Variants in PHACTR2 observed in about 807,000 individuals in gnomAD.
PHACTR2 encodes the protein chromosome 6 open reading frame 56.
In PHACTR2, 30 loss-of-function variants were observed where a neutral mutation model predicts 76.0. The observed-to-expected ratio is 0.39, with a 90% CI of 0.30 to 0.54. The LOEUF is 0.54. Among genes scored for constraint, PHACTR2 ranks in the 20% least tolerant of loss-of-function variants. The pLI is 0.61. For missense variants in PHACTR2, 696 were observed against 781.1 expected, an observed-to-expected ratio of 0.89 and a Z score of 1.30; for synonymous variants, 292 against 292.5, an observed-to-expected ratio of 1.00 and a Z score of 0.02.
Position 143,823,128 on chromosome 6 carries a change from C to A in PHACTR2, c.1923-546C>A, listed in dbSNP as rs979813380. Among the ~76,000 whole-genome samples, 1 of 152,188 alleles carries A rather than the reference C, an allele frequency of 6.6e-6. No individual in the cohort carries two copies. The highest frequency in any genetic ancestry group is 1.9e-4 in the East Asian group (1 of 5,196). ...TGCAAAGGCAGGTTAACAAGGAAAGCTTTGTATAGTTGTGGACATGCTTAG... is the reference window on the plus strand; with the variant it reads ...TGCAAAGGCAGGTTAACAAGGAAAGATTTGTATAGTTGTGGACATGCTTAG... On this transcript the variant is annotated intron_variant, in intron 12 of 12. Transcript: ENST00000440869. This position sits in a 1 kb window ranked among gnomAD's most constrained non-coding sequence, Gnocchi z 5.7.
In PHACTR2 at chr6:143,820,854, GGACA is replaced by G. The variant is rs1776403691; in HGVS notation, c.1923-2819_1923-2816del. Among the ~76,000 whole-genome samples the G allele has an allele frequency of 6.6e-6, 1 of 152,202 alleles. No homozygotes were observed. Among genetic ancestry groups the G allele is most frequent in the African/African-American group, 2.4e-5 (1 of 41,452 alleles). ...GTGCCCTTCCAGTAGGCTTCTGCCTGGACACCCAGGCTTTTCCATGTATCCCCTG... is the reference window on the plus strand; with the variant it reads ...GTGCCCTTCCAGTAGGCTTCTGCCTGCCCAGGCTTTTCCATGTATCCCCTG... On this transcript the variant is annotated intron_variant, in intron 12 of 12. Coordinates refer to ENST00000440869, the MANE Select transcript of PHACTR2 (RefSeq NM_001100164.2). This position sits in a 1 kb window ranked among gnomAD's most constrained non-coding sequence, Gnocchi z 4.2.
intron 3 of PHACTR2, among the ~76,000 whole-genome samples, chr6:143,752,208 T>C (rs1335320204): frequency 6.6e-5 from 10 of 152,120 alleles, no homozygotes; most frequent in Admixed American, 5.9e-4. Flanking sequence ...GACTTCAATA[T>C]ACTTTTATTA....
intron 1 of PHACTR2, among the ~76,000 whole-genome samples, chr6:143,682,260 G>A (rs927200686): frequency 6.6e-6 from 1 of 152,088 alleles, no homozygotes; most frequent in African/African-American, 2.4e-5. Flanking sequence ...GTAGTTTTCA[G>A]TGTAGTGCAG....
At position 143,784,427 on chromosome 6, in the gene PHACTR2, C is replaced by T. The variant is rs1176860271; in HGVS notation, c.1707+1147C>T. On this transcript the variant is annotated intron_variant, in intron 10 of 12. Coordinates refer to ENST00000440869, the MANE Select transcript of PHACTR2 (RefSeq NM_001100164.2). The surrounding 1 kb of genome is among the most constrained non-coding windows in gnomAD (Gnocchi z 4.5). ...TCCTTCTAATCATTCTTCAGGCATA[C>T]CTTATGCACCTAAAAATGGATAAAG... 6.6e-6 allele frequency among the ~76,000 whole-genome samples: 1 copy of T among 152,170 alleles called. No individual in the cohort carries two copies. The highest frequency in any genetic ancestry group is 1.5e-5 in the Non-Finnish European group (1 of 68,044).
chr6:143,665,106 A>G (rs944955351), intron 1 of PHACTR2, among the ~76,000 whole-genome samples: 1 of 152,006 alleles, frequency 6.6e-6, no homozygotes, highest in South Asian at 2.1e-4. Flanking sequence ...GCCTGGGTTC[A>G]TTTTCTTTCT....
Position 143,592,605 on chromosome 6 carries a change from C to A in PHACTR2, c.217+55398C>A, listed in dbSNP as rs1027079857. Reference sequence around the variant, plus strand: ...GTTTGTTTATGCTCTTTCCATTAACCTAGTAATGTCCTTCCCTCTGTCTGT... The same window carrying A: ...GTTTGTTTATGCTCTTTCCATTAACATAGTAATGTCCTTCCCTCTGTCTGT... On this transcript the variant is annotated intron_variant, in intron 1 of 11. Coordinates refer to the PHACTR2 transcript ENST00000367584. The surrounding 1 kb of genome is among the most constrained non-coding windows in gnomAD (Gnocchi z 4.0). Among the ~76,000 whole-genome samples the A allele has an allele frequency of 5.9e-5, 9 of 152,142 alleles. No homozygotes were observed. The highest frequency in any genetic ancestry group is 2.2e-4 in the African/African-American group (9 of 41,412).
chr6:143,603,552 A>C (rs935112193), upstream of PHACTR2, among the ~76,000 whole-genome samples: 4 of 152,214 alleles, frequency 2.6e-5, no homozygotes, highest in East Asian at 7.7e-4. Context: ...ATAGTTAGGC[A>C]GAATAGAAAA....
intron 2 of PHACTR2, among the ~76,000 whole-genome samples, chr6:143,748,117 G>C (rs1425689052): frequency 6.6e-6 from 1 of 151,984 alleles, no homozygotes; most frequent in Non-Finnish European, 1.5e-5. Flanking sequence ...CCAGGCTGGA[G>C]TGCAATGGCA....
In PHACTR2 at chr6:143,743,434, CA is replaced by C. The variant is rs1350419630; in HGVS notation, c.215-5544del. ...TAGGGGAGTGGCTGGAGCAGATAAA[CA>C]AAAAAATCGCCAGACCCCTGAGTGT... On this transcript the variant is annotated intron_variant, in intron 2 of 12. Coordinates refer to ENST00000440869, the MANE Select transcript of PHACTR2 (RefSeq NM_001100164.2). The surrounding 1 kb of genome is among the most constrained non-coding windows in gnomAD (Gnocchi z 5.0). 6.6e-6 allele frequency among the ~76,000 whole-genome samples: 1 copy of C among 152,156 alleles called. No individual in the cohort carries two copies. The highest frequency in any genetic ancestry group is 1.9e-4 in the East Asian group (1 of 5,184).
rs959577623 is a variant in PHACTR2, at chr6:143,663,397, T to G, written c.14-48619T>G. ...AGCATTGAATCACTTCTCTTGATTT[T>G]AAGATTCTGTTTCATTGGTGCCCTT... On this transcript the variant is annotated intron_variant, in intron 1 of 11. Coordinates refer to the PHACTR2 transcript ENST00000305766. This position sits in a 1 kb window ranked among gnomAD's most constrained non-coding sequence, Gnocchi z 4.1. Among the ~76,000 whole-genome samples the G allele has an allele frequency of 6.6e-6, 1 of 151,934 alleles. No homozygotes were observed. Among genetic ancestry groups the G allele is most frequent in the Non-Finnish European group, 1.5e-5 (1 of 68,042 alleles).
intron 3 of PHACTR2, among the ~76,000 whole-genome samples, chr6:143,752,759 A>G (rs940265032): frequency 1.3e-5 from 2 of 152,186 alleles, no homozygotes; most frequent in African/African-American, 4.8e-5. Flanking sequence ...CCAAGATAAG[A>G]GTAGTAAAAA....
chr6:143,809,359 G>GT lies in PHACTR2; in HGVS notation c.1922+2233dup, dbSNP rs1013850374. 6.6e-6 allele frequency among the ~76,000 whole-genome samples: 1 copy of GT among 151,770 alleles called. No homozygotes were observed. The highest frequency in any genetic ancestry group is 1.5e-5 in the Non-Finnish European group (1 of 67,892). Reference sequence around the variant, plus strand: ...TTTTGTTTTTGTGGGGGTATTTTTTGTTTTTTTGTTTGTTTGTTTGTTTGT... The same window carrying GT: ...TTTTGTTTTTGTGGGGGTATTTTTTGTTTTTTTTGTTTGTTTGTTTGTTTGT... On this transcript the variant is annotated intron_variant, in intron 12 of 12. Coordinates refer to ENST00000440869, the MANE Select transcript of PHACTR2 (RefSeq NM_001100164.2). This position sits in a 1 kb window ranked among gnomAD's most constrained non-coding sequence, Gnocchi z 4.2.
At chr6:143,756,780 G>T (rs1483737369) in intron 4 of PHACTR2, among the ~76,000 whole-genome samples, 2 of 151,696 alleles carry the variant, frequency 1.3e-5, no homozygotes, top group African/African-American at 4.8e-5. Context: ...AAATCTTATG[G>T]CTCACGCCTG....
chr6:143,810,886 T>A (rs1459761591), intron 12 of PHACTR2, among the ~76,000 whole-genome samples: 1 of 152,190 alleles, frequency 6.6e-6, no homozygotes, highest in Non-Finnish European at 1.5e-5. Flanking sequence ...GTCTTTTATA[T>A]GGATTGGTAA....
intron 1 of PHACTR2, among the ~76,000 whole-genome samples, chr6:143,702,773 CTTTT>C (rs1190039194): frequency 2.6e-3 from 260 of 100,122 alleles, no homozygotes; most frequent in African/African-American, 1.0e-2. Context: ...ATATATACAA[CTTTT>C]TTTTTTTTTT....
chr6:143,634,515 G>A (rs1447406364), intron 1 of PHACTR2, among the ~76,000 whole-genome samples: 1 of 152,138 alleles, frequency 6.6e-6, no homozygotes, highest in East Asian at 1.9e-4. Flanking sequence ...AGAGGTCTTG[G>A]TGCCAGCTGT....
intron 1 of PHACTR2, among the ~76,000 whole-genome samples, chr6:143,645,641 A>G (rs1776646667): frequency 6.6e-6 from 1 of 152,170 alleles, no homozygotes; most frequent in South Asian, 2.1e-4. Flanking sequence ...TATATTAAGA[A>G]TGTTCTGGTA....
intron 1 of PHACTR2, chr6:143,555,216 G>A (rs899370392): frequency 1.3e-5 from 2 of 152,114 alleles, no homozygotes; most frequent in African/African-American, 2.4e-5. Context: ...CGAGCCTGCC[G>A]AGCTTAATTT....
intron 11 of PHACTR2, among the ~76,000 whole-genome samples, chr6:143,802,906 G>A (rs1407232788): frequency 2.0e-5 from 3 of 152,038 alleles, no homozygotes; most frequent in East Asian, 3.8e-4. Context: ...TTAATTGCCT[G>A]TAGTCACATC....
Sources: allele counts gnomAD v4.1 joint callset (sites outside exome capture counted in the v4.1 genomes callset), GRCh38; gene constraint gnomAD v4.1.1; non-coding constraint Gnocchi (gnomAD v3.1); transcripts MANE v1.5; gene names NCBI Gene and HGNC (gene_info 2026-07-23, HGNC 2026-07-21).